TNRC6C: variants seen among roughly 807,000 people sequenced by gnomAD.
TNRC6C encodes the protein trinucleotide repeat-containing gene 6C protein.
In TNRC6C, 20 loss-of-function variants were observed where a neutral mutation model predicts 153.7. The observed-to-expected ratio is 0.13, with a 90% CI of 0.09 to 0.19. The LOEUF is 0.19. Ranked by LOEUF, TNRC6C falls within the 10% of genes least tolerant of loss-of-function variation. The pLI is 1.00. For synonymous variants in TNRC6C, 811 were observed against 841.4 expected, an observed-to-expected ratio of 0.96 and a Z score of 0.63; for missense variants, 1,987 against 2,172.0, an observed-to-expected ratio of 0.91 and a Z score of 1.69.
intron 2 of TNRC6C, among the ~76,000 whole-genome samples, chr17:78,041,789 G>C (rs2072301303): frequency 6.6e-6 from 1 of 152,194 alleles, no homozygotes; most frequent in African/African-American, 2.4e-5. Context: ...GTAAGCCTTA[G>C]TAAACGTATA....
intron 1 of TNRC6C, among the ~76,000 whole-genome samples, chr17:77,991,545 A>G (rs948534058): frequency 5.9e-5 from 9 of 152,240 alleles, no homozygotes; most frequent in Non-Finnish European, 2.9e-5. Flanking sequence ...CAAAAAGGAA[A>G]TAATTTGCTC....
intron 16 of TNRC6C, among the ~76,000 whole-genome samples, chr17:78,095,664 G>C (rs183999042): frequency 6.6e-6 from 1 of 152,282 alleles, no homozygotes; most frequent in East Asian, 1.9e-4. Flanking sequence ...TACCTCTCTT[G>C]GTTGTGTTTA....
At chr17:77,971,075 T>C (rs1029638818) in intron 1 of TNRC6C, among the ~76,000 whole-genome samples, 14 of 152,182 alleles carry the variant, frequency 9.2e-5, no homozygotes, top group Admixed American at 3.9e-4. Context: ...ACGGGCAATG[T>C]AAAGATGTTA....
chr17:78,020,229 AGCATTAGCATT>A (rs1349995297), intron 1 of TNRC6C, among the ~76,000 whole-genome samples: 1 of 152,324 alleles, frequency 6.6e-6, no homozygotes, highest in East Asian at 1.9e-4. Context: ...TACCAGCCAT[AGCATTAGCATT>A]GCAAGCTGGA....
At chr17:78,090,588 G>A (rs2073375962) in intron 13 of TNRC6C, among the ~76,000 whole-genome samples, 1 of 152,194 alleles carries the variant, frequency 6.6e-6, no homozygotes. Context: ...CTCCAAACTA[G>A]TGTCCTCATC....
chr17:77,982,023 C>T lies in TNRC6C; in HGVS notation c.-37-22147C>T, dbSNP rs1363982756. Among the ~76,000 whole-genome samples the T allele has an allele frequency of 5.3e-5, 8 of 152,084 alleles. No individual in the cohort carries two copies. In the East Asian group the frequency reaches 7.7e-4, roughly 15 times the overall value. Reference sequence around the variant, plus strand: ...GGTATTTAGTTCGTGAAGGTGGAACCCTCACAAATGGGATTAGAGACACAG... The same window carrying T: ...GGTATTTAGTTCGTGAAGGTGGAACTCTCACAAATGGGATTAGAGACACAG... On this transcript the variant is annotated intron_variant, in intron 1 of 22. Coordinates refer to the TNRC6C transcript ENST00000636222.
At chr17:78,066,377 A>G (rs1022616052) in intron 4 of TNRC6C, 1 of 151,972 alleles carries the variant, frequency 6.6e-6, no homozygotes, top group Admixed American at 6.6e-5. Flanking sequence ...TGTTTTGCTA[A>G]TACTCGATAG....
At chr17:78,005,140 G>C in intron 1 of TNRC6C, 61 bp downstream of exon 3, 1 of 1,145,964 alleles carries the variant, frequency 8.7e-7, no homozygotes, top group Non-Finnish European at 1.1e-6. Context: ...TTATGACCAG[G>C]ATGACTTTTT....
exon 3 of TNRC6C, chr17:78,051,199 C>T: frequency 6.4e-7 from 1 of 1,571,770 alleles, no homozygotes; most frequent in Non-Finnish European, 8.6e-7. Flanking sequence ...CTGGGAAGAA[C>T]CCTCTCCACC....
In TNRC6C at chr17:78,051,443, G is replaced by A. The variant is rs774932509; in HGVS notation, c.2381G>A (p.Gly794Asp). The A allele has an allele frequency of 8.3e-6, 12 of 1,438,630 alleles. No homozygotes were observed. The South Asian group carries it at 1.9e-4, about 23-fold the overall frequency. The allele number at this position is 1,438,630 out of a possible 1,614,324, so 89.1% of individuals were successfully genotyped here. A position where few individuals can be genotyped will look rare whatever the true frequency, so the allele number is the denominator to read the frequency against. The change falls in exon 3 of 20, where the codon GGT becomes GAT. Residue 794 changes from glycine (G) to aspartate (D), a missense_variant. Transcript: ENST00000301624. ...CAGCTGAATCGATCACCGTTGCTTGGTCCAGGTAGGAAAGGTATTTCATGT... is the reference window on the plus strand; with the variant it reads ...CAGCTGAATCGATCACCGTTGCTTGATCCAGGTAGGAAAGGTATTTCATGT...
chr17:78,096,171 A>G (rs2073482486), intron 16 of TNRC6C, among the ~76,000 whole-genome samples: 1 of 152,226 alleles, frequency 6.6e-6, no homozygotes, highest in South Asian at 2.1e-4. Context: ...AACAGAGAAC[A>G]GACAGCTCAC....
rs150566725 is a variant in TNRC6C, at chr17:78,084,912, G to A, written c.3478-1591G>A. On this transcript the variant is annotated intron_variant, in intron 11 of 19. Transcript: ENST00000301624. ...CTCCCAAAGTGCTGGGATTACAGGCGTGAGCCACTGCGCCTGGCCAGAGAC... is the reference window on the plus strand; with the variant it reads ...CTCCCAAAGTGCTGGGATTACAGGCATGAGCCACTGCGCCTGGCCAGAGAC... Among the ~76,000 whole-genome samples, 275 of 152,252 alleles carry A rather than the reference G, an allele frequency of 1.8e-3. 1 individual carries two copies. Among genetic ancestry groups the A allele is most frequent in the East Asian group, 0.018 (92 of 5,184 alleles).
chr17:78,096,400 C>T (rs1363364294), intron 16 of TNRC6C, among the ~76,000 whole-genome samples: 1 of 152,222 alleles, frequency 6.6e-6, no homozygotes, highest in Non-Finnish European at 1.5e-5. Flanking sequence ...TGCACATGGA[C>T]TCCCTGAACC....
At chr17:77,985,601 C>CAAAAA (rs1229331703) in intron 1 of TNRC6C, among the ~76,000 whole-genome samples, 1 of 96,246 alleles carries the variant, frequency 1.0e-5, no homozygotes, top group African/African-American at 4.2e-5. Context: ...GACTCCGTCT[C>CAAAAA]AAAAAAAAAA....
At chr17:78,036,813 A>G (rs1015190295) in intron 2 of TNRC6C, among the ~76,000 whole-genome samples, 1 of 151,766 alleles carries the variant, frequency 6.6e-6, no homozygotes, top group South Asian at 2.1e-4. Flanking sequence ...AACCCCAGCT[A>G]CTCGGGAGGC....
intron 3 of TNRC6C, among the ~76,000 whole-genome samples, chr17:78,059,846 CAAAAAA>C (rs762507955): frequency 1.3e-5 from 1 of 77,714 alleles, no homozygotes; most frequent in Admixed American, 1.4e-4. Context: ...GACCCTGTCT[CAAAAAA>C]AAAAAAAAAA....
intron 3 of TNRC6C, among the ~76,000 whole-genome samples, chr17:78,058,108 C>T (rs1047611094): frequency 1.3e-5 from 2 of 152,164 alleles, no homozygotes; most frequent in Non-Finnish European, 2.9e-5. Flanking sequence ...TGACACTCCT[C>T]GAACATTGCC....
chr17:78,063,747 A>G (rs1344673963), intron 3 of TNRC6C, among the ~76,000 whole-genome samples: 1 of 152,136 alleles, frequency 6.6e-6, no homozygotes, highest in Admixed American at 6.5e-5. Flanking sequence ...TTATGTTTTT[A>G]ATCTGCCATC....
intron 1 of TNRC6C, among the ~76,000 whole-genome samples, chr17:78,021,593 A>T (rs2071833310): frequency 6.6e-6 from 1 of 152,184 alleles, no homozygotes; most frequent in African/African-American, 2.4e-5. Context: ...TTCTTGAGAT[A>T]GAGTCTCACT....
Sources: allele counts gnomAD v4.1 joint callset (sites outside exome capture counted in the v4.1 genomes callset), GRCh38; gene constraint gnomAD v4.1.1; transcripts MANE v1.5; gene names NCBI Gene and HGNC (gene_info 2026-07-23, HGNC 2026-07-21).